VPS8: variants seen among roughly 807,000 people sequenced by gnomAD.
VPS8 encodes VPS8 subunit of CORVET complex.
A neutral mutation model predicts 216.4 loss-of-function variants in VPS8; 129 were observed. The ratio of observed to expected loss-of-function variants is 0.60; its 90% CI spans 0.52 to 0.69. The LOEUF (loss-of-function observed/expected upper bound fraction) is 0.69. Among genes scored for constraint, VPS8 ranks in the 30% least tolerant of loss-of-function variants. The pLI, the probability that VPS8 is intolerant of heterozygous loss-of-function variation, is 0.00. For synonymous variants in VPS8, 571 were observed against 565.4 expected (o/e 1.01, Z -0.14); for missense variants, 1,531 against 1,683.5 (o/e 0.91, Z 1.59).
intron 46 of VPS8, among the ~76,000 whole-genome samples, chr3:185,024,838 A>G (rs1480520784): frequency 4.6e-5 from 7 of 152,248 alleles, no homozygotes; most frequent in Non-Finnish European, 7.4e-5. Context: ...CCCTGTCTCT[A>G]CTAAAAATAG....
At chr3:184,980,373 G>A (rs1749999478) in intron 40 of VPS8, among the ~76,000 whole-genome samples, 1 of 151,998 alleles carries the variant, frequency 6.6e-6, no homozygotes, top group African/African-American at 2.4e-5. Context: ...GGAAATTTTT[G>A]TGGACAGTAT....
intron 36 of VPS8, among the ~76,000 whole-genome samples, chr3:184,946,856 G>A (rs139197337): frequency 2.2e-3 from 322 of 148,414 alleles, no homozygotes; most frequent in African/African-American, 8.0e-3. Flanking sequence ...TTCCTTTTCA[G>A]TTCTTAGTTT....
chr3:184,980,859 A>G (rs1577052254), intron 40 of VPS8, among the ~76,000 whole-genome samples: 2 of 152,088 alleles, frequency 1.3e-5, no homozygotes, highest in African/African-American at 4.8e-5. Context: ...ATTGCTGGGG[A>G]ACTAGTGGGG....
chr3:184,820,195 C>T (rs138550867), intron 1 of VPS8, among the ~76,000 whole-genome samples: 1 of 152,200 alleles, frequency 6.6e-6, no homozygotes, highest in African/African-American at 2.4e-5. Context: ...CAGTACTTCA[C>T]AAGTCTCACC....
intron 35 of VPS8, among the ~76,000 whole-genome samples, chr3:184,936,612 T>C (rs1439571013): frequency 6.6e-6 from 1 of 151,100 alleles, no homozygotes; most frequent in Non-Finnish European, 1.5e-5. Context: ...AGGGAGTTCA[T>C]CTTTGTGCAT....
intron 46 of VPS8, among the ~76,000 whole-genome samples, chr3:185,026,914 T>A (rs1757451144): frequency 6.6e-6 from 1 of 151,256 alleles, no homozygotes; most frequent in Non-Finnish European, 1.5e-5. Context: ...TTTCACCATG[T>A]TGGCCATGAT....
rs910715959 is a variant in VPS8, at chr3:184,938,618, C to G, written c.2989-1579C>G. Among the ~76,000 whole-genome samples, 3 of 150,158 alleles carry G rather than the reference C, an allele frequency of 2.0e-5. No individual in the cohort carries two copies. In the East Asian group the frequency reaches 5.8e-4, roughly 29 times the overall value. On this transcript the variant is annotated intron_variant, in intron 35 of 47. Transcript: ENST00000625842. The stretch of plus-strand genomic sequence containing the variant: ...TGTCCTTTAAGATTTAAAATGATCA[C>G]TTGTAGGATTTTCTTTTCTTTTCTT...
chr3:185,010,735 C>T (rs1323097615), intron 45 of VPS8, among the ~76,000 whole-genome samples: 2 of 152,180 alleles, frequency 1.3e-5, no homozygotes, highest in Non-Finnish European at 2.9e-5. Flanking sequence ...GGTACAGTGG[C>T]TCATGCCTGT....
At position 184,944,566 on chromosome 3, in the gene VPS8, C is replaced by G. The variant is rs116157698; in HGVS notation, c.3035+4323C>G. 4.9e-4 allele frequency: 481 copies of G among 985,346 alleles called. 1 individual carries two copies. The African/African-American group carries it at 7.9e-3, about 16-fold the overall frequency. 61.0% of individuals were successfully genotyped at this position (985,346 alleles called of 1,614,324 possible). On this transcript the variant is annotated intron_variant, in intron 36 of 47. Transcript: ENST00000625842. ...CACGTGTTTTTTGTGAGGCCATGAGCTGCATAAGGAGTAAAGAGAATGTGC... is the reference window on the plus strand; with the variant it reads ...CACGTGTTTTTTGTGAGGCCATGAGGTGCATAAGGAGTAAAGAGAATGTGC...
At chr3:184,839,038 T>C (rs780957668) in intron 6 of VPS8, 6 of 298,332 alleles carry the variant, frequency 2.0e-5, no homozygotes, top group Non-Finnish European at 3.1e-5. Flanking sequence ...GCTTCTTCTG[T>C]GATTTGGCTC....
intron 14 of VPS8, among the ~76,000 whole-genome samples, chr3:184,856,487 C>G (rs561125852): frequency 6.6e-6 from 1 of 152,326 alleles, no homozygotes; most frequent in Non-Finnish European, 1.5e-5. Flanking sequence ...TATTAATAAT[C>G]TCTTGCGTTT....
chr3:184,950,216 C>CTTTTTTTTTGTTT (rs1744428051), intron 36 of VPS8, among the ~76,000 whole-genome samples: 1 of 39,930 alleles, frequency 2.5e-5, no homozygotes, highest in Admixed American at 4.4e-4. Context: ...CAGTTTTCTG[C>CTTTTTTTTTGTTT]TTTTTTTTTT....
chr3:184,862,834 C>T, intron 15 of VPS8, 63 bp from the exon 16 acceptor site: 6 of 1,534,534 alleles, frequency 3.9e-6, no homozygotes, highest in Non-Finnish European at 3.5e-6. Flanking sequence ...AAGCTTTCTT[C>T]TTGACCCAAA....
chr3:184,820,249 C>A (rs898751718), intron 1 of VPS8, among the ~76,000 whole-genome samples: 3 of 152,222 alleles, frequency 2.0e-5, no homozygotes, highest in African/African-American at 7.2e-5. Flanking sequence ...TTCAGTCCTT[C>A]TGGAGGCTCT....
chr3:184,873,957 G>A (rs183015300), intron 21 of VPS8, among the ~76,000 whole-genome samples: 3 of 152,240 alleles, frequency 2.0e-5, no homozygotes, highest in Admixed American at 6.5e-5. Flanking sequence ...TCTGGAAAAC[G>A]TGACCTTCAG....
At chr3:184,859,019 T>C (rs1263986251) in intron 14 of VPS8, among the ~76,000 whole-genome samples, 1 of 152,232 alleles carries the variant, frequency 6.6e-6, no homozygotes, top group African/African-American at 2.4e-5. Flanking sequence ...ACAACTGTTT[T>C]GGCAGCCATC....
At position 184,894,808 on chromosome 3, in the gene VPS8, G is replaced by A. The variant is rs952179502; in HGVS notation, c.1887G>A (p.Val629=). Residue 629 remains valine, a synonymous_variant, in exon 23 of 48, where the codon GTG becomes GTA. Transcript: ENST00000625842. ...LEPYILSDKL[V]GITPQVMKDL... ...CATATATTTTAAGTGATAAATTGGT[G>A]GGAATCACACCCCAAGTAATGAAAG... The A allele has an allele frequency of 6.2e-7, 1 of 1,610,448 alleles. No individual in the cohort carries two copies.
chr3:184,982,883 A>G (rs1184979669), intron 41 of VPS8, 129 bp from the exon 42 acceptor site: 12 of 833,300 alleles, frequency 1.4e-5, no homozygotes, highest in Non-Finnish European at 2.1e-5. Context: ...ATTTTAAAAT[A>G]TCAAAGAGGC....
chr3:184,900,925 T>C lies in VPS8; in HGVS notation c.2099T>C (p.Leu700Pro), dbSNP rs1224029318. Residue 700 changes from leucine (L) to proline (P), a missense_variant, in exon 25 of 48, where the codon CTT becomes CCT. Physicochemically the swap from Leu to Pro is moderately conservative, Grantham distance 98. Coordinates refer to ENST00000625842, the MANE Select transcript of VPS8 (RefSeq NM_001009921.3). ...TTCCTATTAATTTTAATGCAGAAACTTTTCAGAGTCATTGCTCCTCCTCTG... is the reference window on the plus strand; with the variant it reads ...TTCCTATTAATTTTAATGCAGAAACCTTTCAGAGTCATTGCTCCTCCTCTG... ...MNEFISPMEK[L>P]FRVIAPPLNA... 4 of 1,604,054 alleles carry C rather than the reference T, an allele frequency of 2.5e-6. No individual in the cohort carries two copies. Among genetic ancestry groups the C allele is most frequent in the Non-Finnish European group, 2.5e-6 (3 of 1,177,564 alleles).
Sources: gnomAD v4.1 joint callset for allele counts (sites outside exome capture counted in the v4.1 genomes callset) on GRCh38, gnomAD v4.1.1 for gene constraint, MANE v1.5 for transcripts, NCBI Gene and HGNC (gene_info 2026-07-23, HGNC 2026-07-21) for gene names.